ZFP64: variants seen among roughly 807,000 people sequenced by gnomAD.
The protein encoded by ZFP64 is ZFP64 zinc finger protein.
ZFP64 carries 14 observed loss-of-function variants against 51.6 expected under a neutral mutation model. The observed-to-expected ratio is 0.27, with a 90% CI of 0.18 to 0.42. ZFP64 has a LOEUF of 0.42. ZFP64 is among the 10% of genes least tolerant of loss of function. The probability of loss-of-function intolerance (pLI) is 1.00; values close to 1 mark genes in which losing one functional copy is unlikely to be tolerated. For synonymous variants in ZFP64, 375 were observed against 361.4 expected, an observed-to-expected ratio of 1.04 and a Z score of -0.43; for missense variants, 754 against 906.8, an observed-to-expected ratio of 0.83 and a Z score of 2.16.
rs2078859730 is a variant in ZFP64, at chr20:52,085,943, C to G, written c.1229-677G>C. ...GTTGAATATACACAAAGATAAGCAT[C>G]TTATCCTACACACCCATCCTTTCCC... On this transcript the variant is annotated intron_variant, in intron 8 of 8. Transcript: ENST00000361387. This position sits in a 1 kb window ranked among gnomAD's most constrained non-coding sequence, Gnocchi z 4.3. 6.6e-6 allele frequency among the ~76,000 whole-genome samples: 1 copy of G among 152,120 alleles called. No homozygotes were observed. The highest frequency in any genetic ancestry group is 1.5e-5 in the Non-Finnish European group (1 of 68,030).
exon 9 of ZFP64, chr20:52,084,872 G>T: frequency 1.9e-6 from 3 of 1,613,780 alleles, no homozygotes; most frequent in Non-Finnish European, 2.5e-6. Context: ...CCTTGTCGAC[G>T]TGCTTGGCCA....
intron 5 of ZFP64, among the ~76,000 whole-genome samples, chr20:52,118,259 T>TA (rs11417476): frequency 7.1e-6 from 1 of 140,254 alleles, no homozygotes; most frequent in Non-Finnish European, 1.5e-5. Flanking sequence ...GGAAATGAAA[T>TA]TTGGTGGAGG....
In ZFP64 at chr20:52,105,240, C is replaced by A. The variant is rs182821508; in HGVS notation, c.764-6653G>T. 6.5e-3 allele frequency: 8,692 copies of A among 1,333,648 alleles called. 28 individuals are homozygous for A. Among genetic ancestry groups the A allele is most frequent in the Admixed American group, 9.9e-3 (259 of 26,270 alleles). The allele number at this position is 1,333,648 out of a possible 1,614,324, so 82.6% of individuals were successfully genotyped here. A position where few individuals can be genotyped will look rare whatever the true frequency, so the allele number is the denominator to read the frequency against. ...TTGGCCTGCTTGCGCCGCGACATGG[C>A]GCGAGGACCGGGCTCCCCGCGCGTC... On this transcript the variant is annotated intron_variant, in intron 5 of 8. Coordinates refer to the ZFP64 transcript ENST00000361387.
intron 2 of ZFP64, among the ~76,000 whole-genome samples, chr20:52,174,502 A>G (rs1983021921): frequency 6.6e-6 from 1 of 151,572 alleles, no homozygotes; most frequent in African/African-American, 2.4e-5. Flanking sequence ...AAAAAAAAAA[A>G]AAGTATATTT....
At chr20:52,144,866 C>G (rs1980448406) in intron 5 of ZFP64, among the ~76,000 whole-genome samples, 1 of 151,914 alleles carries the variant, frequency 6.6e-6, no homozygotes, top group Non-Finnish European at 1.5e-5. Context: ...AAATTTAGAG[C>G]AGAGTAAATG....
rs1600676898 is a variant in ZFP64, at chr20:52,084,435, A to T, written c.*122T>A. ...AGCCATCGCCTCTGAAGGCCTGTGAAGTTGGAGCGGCCAGCCCCAGAAGTG... is the reference window on the plus strand; with the variant it reads ...AGCCATCGCCTCTGAAGGCCTGTGATGTTGGAGCGGCCAGCCCCAGAAGTG... On this transcript the variant is annotated 3_prime_UTR_variant, in exon 9 of 9. Transcript: ENST00000361387. 3.1e-6 allele frequency: 3 copies of T among 963,168 alleles called. No homozygotes were observed. In the East Asian group the frequency reaches 7.9e-5, roughly 25 times the overall value. 59.7% of individuals were successfully genotyped at this position (963,168 alleles called of 1,614,324 possible).
Position 52,160,190 on chromosome 20 carries a change from T to A in ZFP64, c.696A>T (p.Lys232Asn). 1 of 1,614,048 alleles carries A rather than the reference T, an allele frequency of 6.2e-7. No homozygotes were observed. The highest frequency in any genetic ancestry group is 8.5e-7 in the Non-Finnish European group (1 of 1,179,994). ...GGCTGGCGTAGGGGCAGATCTGGCATTTGAAGGGCCGCTCGTCCGAGTGGA... is the reference window on the plus strand; with the variant it reads ...GGCTGGCGTAGGGGCAGATCTGGCAATTGAAGGGCCGCTCGTCCGAGTGGA... ...LRIHSDERPFKCQICPYASRN... is the reference protein window; with the variant it reads ...LRIHSDERPFNCQICPYASRN... The change falls in exon 5 of 6, where the codon AAA becomes AAT. Residue 232 changes from lysine to asparagine, a missense_variant. Lys to Asn is a moderately conservative substitution (Grantham distance 94). Coordinates refer to ENST00000216923, the MANE Select transcript of ZFP64 (RefSeq NM_018197.3). This position sits in a 1 kb window ranked among gnomAD's most constrained non-coding sequence, Gnocchi z 4.2.
intron 5 of ZFP64, chr20:52,110,604 C>A (rs1164106024): frequency 4.9e-6 from 4 of 808,144 alleles, no homozygotes; most frequent in Non-Finnish European, 8.1e-6. Flanking sequence ...AGCGGGCCTC[C>A]ACGCCAGAGG....
chr20:52,120,617 T>A (rs6021714), intron 5 of ZFP64, among the ~76,000 whole-genome samples: 1 of 150,578 alleles, frequency 6.6e-6, no homozygotes. Context: ...ATAATTCTTG[T>A]AATATTTCAA....
intron 1 of ZFP64, among the ~76,000 whole-genome samples, chr20:52,189,495 G>A (rs1460455244): frequency 5.4e-5 from 8 of 147,630 alleles, no homozygotes; most frequent in African/African-American, 2.0e-4. Context: ...TTTTTTTTGA[G>A]ATGGAGTTTT....
intron 5 of ZFP64, among the ~76,000 whole-genome samples, chr20:52,136,123 A>G (rs1243544606): frequency 3.3e-5 from 5 of 149,416 alleles, no homozygotes; most frequent in African/African-American, 1.2e-4. Context: ...AAAAAAAAGA[A>G]AAAACCAAAA....
chr20:52,180,547 C>CAAAAAAAAAAAAAA (rs10669415), intron 2 of ZFP64, among the ~76,000 whole-genome samples: 1 of 87,210 alleles, frequency 1.1e-5, no homozygotes, highest in Non-Finnish European at 2.1e-5. Context: ...CCAGAAATGG[C>CAAAAAAAAAAAAAA]AAAAAAAAAA....
chr20:52,134,579 T>C (rs181638007), intron 5 of ZFP64, among the ~76,000 whole-genome samples: 38 of 152,350 alleles, frequency 2.5e-4, no homozygotes, highest in Middle Eastern at 6.8e-3. Flanking sequence ...GTTCACAAAC[T>C]GCCTTATGGC....
At chr20:52,186,568 T>G (rs1333627685) in intron 2 of ZFP64, among the ~76,000 whole-genome samples, 1 of 152,074 alleles carries the variant, frequency 6.6e-6, no homozygotes, top group Non-Finnish European at 1.5e-5. Context: ...TCCTATAGTA[T>G]ATAGATTTTT....
In ZFP64 at chr20:52,166,012, T is replaced by C. The variant is rs1568691914; in HGVS notation, c.300A>G (p.Glu100=). The stretch of plus-strand genomic sequence containing the variant: ...TTTGATAGCCATGTTCAAAAACAAA[T>C]TCTGGAGCTGAAACTAAAAGATATG... The part of the protein sequence containing the change: ...ETQTITVSAP[E]FVFEHGYQTY... The change falls in exon 3 of 6, where the codon GAA becomes GAG. Residue 100 remains glutamate, a synonymous_variant. Coordinates refer to ENST00000216923, the MANE Select transcript of ZFP64 (RefSeq NM_018197.3). The C allele has an allele frequency of 6.2e-7, 1 of 1,606,616 alleles. No individual in the cohort carries two copies. The highest frequency in any genetic ancestry group is 8.5e-7 in the Non-Finnish European group (1 of 1,178,212).
chr20:52,101,619 G>A (rs1488375803), intron 5 of ZFP64, among the ~76,000 whole-genome samples: 2 of 151,968 alleles, frequency 1.3e-5, no homozygotes, highest in African/African-American at 2.4e-5. Flanking sequence ...TGTTGCCCAT[G>A]CTGGTCTCAA....
chr20:52,119,772 C>A (rs1184318253), intron 5 of ZFP64, among the ~76,000 whole-genome samples: 2 of 151,630 alleles, frequency 1.3e-5, no homozygotes, highest in Non-Finnish European at 2.9e-5. Flanking sequence ...AACCCCTCCC[C>A]ACTCACTACA....
chr20:52,097,382 T>C (rs1328737025), exon 7 of ZFP64: 1 of 1,613,018 alleles, frequency 6.2e-7, no homozygotes, highest in Non-Finnish European at 8.5e-7. Flanking sequence ...CCCGTGTGGA[T>C]TCTGAGATGG....
intron 5 of ZFP64, among the ~76,000 whole-genome samples, chr20:52,115,758 G>A (rs1978831109): frequency 6.6e-6 from 1 of 151,216 alleles, no homozygotes; most frequent in African/African-American, 2.4e-5. Flanking sequence ...GAAGTTTGGA[G>A]GAAGGAAGAT....
Sources: gnomAD v4.1 joint callset for allele counts (sites outside exome capture counted in the v4.1 genomes callset) on GRCh38, gnomAD v4.1.1 for gene constraint, Gnocchi (gnomAD v3.1) non-coding constraint, MANE v1.5 for transcripts, NCBI Gene and HGNC (gene_info 2026-07-23, HGNC 2026-07-21) for gene names.